Variants in KIF6 observed in about 807,000 individuals in gnomAD.
The protein encoded by KIF6 is kinesin-like protein KIF6.
In KIF6, 106 loss-of-function variants were observed where a neutral mutation model predicts 112.7. That is an observed-to-expected ratio of 0.94 (90% CI 0.80 to 1.11). The LOEUF is 1.11. Ranked by LOEUF, KIF6 falls within the 50% of genes least tolerant of loss-of-function variation. The probability of loss-of-function intolerance (pLI) is 0.00; values close to 1 mark genes in which losing one functional copy is unlikely to be tolerated. For missense variants in KIF6, 929 were observed against 964.0 expected, an observed-to-expected ratio of 0.96 and a Z score of 0.48; for synonymous variants, 339 against 339.9, an observed-to-expected ratio of 1.00 and a Z score of 0.03.
At chr6:39,577,451 C>G (rs1000291957) in intron 10 of KIF6, among the ~76,000 whole-genome samples, 5 of 152,228 alleles carry the variant, frequency 3.3e-5, no homozygotes, top group Non-Finnish European at 7.3e-5. Flanking sequence ...ATAAGCAGCA[C>G]AGAAACAAGA....
Position 39,590,217 on chromosome 6 carries a change from T to A in KIF6, c.847-3813A>T, listed in dbSNP as rs115512130. On this transcript the variant is annotated intron_variant, in intron 7 of 22. Coordinates refer to ENST00000287152, the MANE Select transcript of KIF6 (RefSeq NM_145027.6). ...ACCCAAACAGGGGCTGGGCTGACAG[T>A]TGTGCAGACAGTGTGGCATTATTGC... is the stretch of plus-strand genomic sequence containing the variant. 7.6e-4 allele frequency among the ~76,000 whole-genome samples: 116 copies of A among 152,192 alleles called. No homozygotes were observed. In the Middle Eastern group the frequency reaches 0.01, roughly 13 times the overall value.
chr6:39,553,549 T>C (rs969153852), intron 10 of KIF6, among the ~76,000 whole-genome samples: 1 of 152,204 alleles, frequency 6.6e-6, no homozygotes, highest in Non-Finnish European at 1.5e-5. Context: ...TTTCAAAAAC[T>C]ATTTTGAAAT....
chr6:39,367,590 G>A (rs1765662691), intron 16 of KIF6, among the ~76,000 whole-genome samples: 2 of 152,042 alleles, frequency 1.3e-5, no homozygotes, highest in African/African-American at 2.4e-5. Context: ...TTGGGAGGAC[G>A]CACAGACGCA....
At chr6:39,451,458 AG>A (rs1772697699) in intron 13 of KIF6, among the ~76,000 whole-genome samples, 1 of 152,228 alleles carries the variant, frequency 6.6e-6, no homozygotes, top group Non-Finnish European at 1.5e-5. Context: ...CTTGCTTTCT[AG>A]GAAGCCAGTT....
chr6:39,404,686 C>T (rs955346861), intron 15 of KIF6, among the ~76,000 whole-genome samples: 3 of 152,246 alleles, frequency 2.0e-5, no homozygotes, highest in Admixed American at 6.5e-5. Flanking sequence ...TTTGCAATTA[C>T]CTTCACTATA....
chr6:39,635,268 AT>A (rs796141103), intron 4 of KIF6, among the ~76,000 whole-genome samples: 3 of 151,674 alleles, frequency 2.0e-5, no homozygotes, highest in Non-Finnish European at 4.4e-5. Context: ...ATAACACACC[AT>A]TTTTTTTACT....
chr6:39,393,259 C>T (rs1249427520), intron 15 of KIF6, among the ~76,000 whole-genome samples: 2 of 152,220 alleles, frequency 1.3e-5, no homozygotes, highest in African/African-American at 4.8e-5. Context: ...CTGAGGCAGC[C>T]AAGCGTGGAG....
chr6:39,535,064 A>G (rs956740562), intron 13 of KIF6, among the ~76,000 whole-genome samples: 39 of 152,356 alleles, frequency 2.6e-4, no homozygotes, highest in Admixed American at 1.8e-3. Flanking sequence ...TGAAGGAAGC[A>G]CTAAACATGG....
At chr6:39,384,530 G>C (rs532554665) in intron 16 of KIF6, among the ~76,000 whole-genome samples, 1 of 152,324 alleles carries the variant, frequency 6.6e-6, no homozygotes, top group Non-Finnish European at 1.5e-5. Flanking sequence ...CCGTGGCTTA[G>C]GTGCCCTTGT....
At chr6:39,390,031 C>CAAAAAAAAAAAAAAAAAAAAAA (rs943420819) in intron 15 of KIF6, among the ~76,000 whole-genome samples, 1 of 43,558 alleles carries the variant, frequency 2.3e-5, no homozygotes, top group Non-Finnish European at 4.6e-5. Context: ...ACTCTGTCTC[C>CAAAAAAAAAAAAAAAAAAAAAA]AAAAAAAAAA....
At chr6:39,611,868 C>G (rs192091472) in intron 6 of KIF6, among the ~76,000 whole-genome samples, 362 of 152,212 alleles carry the variant, frequency 2.4e-3, no homozygotes, top group Non-Finnish European at 3.9e-3. Context: ...TCACAAAGAT[C>G]AAATGGGCAA....
Position 39,539,712 on chromosome 6 carries a change from T to A in KIF6, c.1645+291A>T, listed in dbSNP as rs541025504. 2.6e-5 allele frequency among the ~76,000 whole-genome samples: 4 copies of A among 152,332 alleles called. No individual in the cohort carries two copies. In the East Asian group the frequency reaches 7.7e-4, roughly 29 times the overall value. ...TTTATAAATAAACGCTGCCTCGTCA[T>A]CATATCAGCAATATCTGATCTTATT... On this transcript the variant is annotated intron_variant, in intron 13 of 22. Coordinates refer to ENST00000287152, the MANE Select transcript of KIF6 (RefSeq NM_145027.6).
At chr6:39,724,171 C>T (rs1790394305) in intron 1 of KIF6, among the ~76,000 whole-genome samples, 1 of 152,174 alleles carries the variant, frequency 6.6e-6, no homozygotes. Context: ...ATAAAAAGTG[C>T]TGGGCGCGGT....
intron 19 of KIF6, among the ~76,000 whole-genome samples, chr6:39,352,236 G>A (rs938609049): frequency 4.6e-5 from 7 of 152,192 alleles, no homozygotes; most frequent in African/African-American, 1.7e-4. Flanking sequence ...GTATTAGTGT[G>A]ATAAATTTGT....
intron 13 of KIF6, among the ~76,000 whole-genome samples, chr6:39,495,283 T>C (rs998533433): frequency 6.6e-5 from 10 of 152,134 alleles, no homozygotes; most frequent in African/African-American, 2.2e-4. Flanking sequence ...ACACATGATG[T>C]TGGGTTTAGC....
At chr6:39,567,896 T>C (rs1375132536) in intron 10 of KIF6, among the ~76,000 whole-genome samples, 1 of 152,190 alleles carries the variant, frequency 6.6e-6, no homozygotes, top group Admixed American at 6.5e-5. Context: ...TGTGAGCCAC[T>C]GAGCCTGGCC....
intron 3 of KIF6, among the ~76,000 whole-genome samples, chr6:39,667,375 T>C (rs1040206084): frequency 4.6e-5 from 7 of 152,174 alleles, no homozygotes; most frequent in African/African-American, 1.7e-4. Context: ...AAGTCTGTCC[T>C]AGCTCTCAGA....
chr6:39,403,670 G>A (rs763306269), intron 15 of KIF6, among the ~76,000 whole-genome samples: 1 of 152,336 alleles, frequency 6.6e-6, no homozygotes, highest in Non-Finnish European at 1.5e-5. Context: ...AGGGTAGGTA[G>A]TTGGCTTGTA....
At chr6:39,494,498 T>C (rs1425513847) in intron 13 of KIF6, among the ~76,000 whole-genome samples, 1 of 152,222 alleles carries the variant, frequency 6.6e-6, no homozygotes, top group African/African-American at 2.4e-5. Context: ...CTTCCAATAG[T>C]ATTTTTATGA....
Sources: allele counts gnomAD v4.1 joint callset (sites outside exome capture counted in the v4.1 genomes callset), GRCh38; gene constraint gnomAD v4.1.1; transcripts MANE v1.5; gene names NCBI Gene and HGNC (gene_info 2026-07-23, HGNC 2026-07-21).